MIS18A: variants seen among roughly 807,000 people sequenced by gnomAD.
MIS18A encodes MIS18 kinetochore protein A.
MIS18A carries 14 observed loss-of-function variants against 25.0 expected under a neutral mutation model. That is an observed-to-expected ratio of 0.56 (90% CI 0.37 to 0.88). The LOEUF is 0.88. MIS18A is among the 40% of genes least tolerant of loss of function. The pLI is 0.00. For missense variants in MIS18A, 292 were observed against 290.8 expected (o/e 1.00, Z -0.03); for synonymous variants, 134 against 118.6 (o/e 1.13, Z -0.84).
the MIS18A span, among the ~76,000 whole-genome samples, chr21:32,240,776 T>TA: frequency 3.4e-3 from 1 of 296 alleles, no homozygotes; most frequent in Admixed American, 0.056. Context: ...GATGTGGTTT[T>TA]GGTTTTTTTA....
downstream of MIS18A, among the ~76,000 whole-genome samples, chr21:32,264,842 C>T (rs2031563533): frequency 6.6e-6 from 1 of 152,170 alleles, no homozygotes; most frequent in African/African-American, 2.4e-5. Flanking sequence ...ATTCAGGCAT[C>T]GATGCTACAC....
chr21:32,264,798 G>T (rs2031562754), downstream of MIS18A, among the ~76,000 whole-genome samples: 1 of 152,156 alleles, frequency 6.6e-6, no homozygotes, highest in Non-Finnish European at 1.5e-5. Flanking sequence ...AATGTCCCAT[G>T]CTTGACTAGA....
the MIS18A span, among the ~76,000 whole-genome samples, chr21:32,223,363 A>G: frequency 6.6e-6 from 1 of 152,216 alleles, no homozygotes; most frequent in Non-Finnish European, 1.5e-5. Context: ...AAAGATTAAC[A>G]AAATAGATGG....
At chr21:32,247,778 G>A in the MIS18A span, among the ~76,000 whole-genome samples, 2 of 152,144 alleles carry the variant, frequency 1.3e-5, no homozygotes, top group Non-Finnish European at 2.9e-5. Flanking sequence ...AACTCTGCCC[G>A]CACCTCGATC....
intron 1 of MIS18A, among the ~76,000 whole-genome samples, chr21:32,277,645 G>A (rs112655031): frequency 2.6e-5 from 4 of 152,110 alleles, no homozygotes; most frequent in African/African-American, 7.2e-5. Flanking sequence ...AGGCTGATCT[G>A]GAATTTTTGT....
At chr21:32,217,964 C>T in the MIS18A span, among the ~76,000 whole-genome samples, 1,034 of 152,008 alleles carry the variant, frequency 6.8e-3, 8 homozygotes, top group Middle Eastern at 0.034. Context: ...GAGGCTGAGG[C>T]GGGCGGATCA....
downstream of MIS18A, among the ~76,000 whole-genome samples, chr21:32,263,337 T>C (rs1341868487): frequency 1.3e-5 from 2 of 152,240 alleles, no homozygotes; most frequent in African/African-American, 4.8e-5. Flanking sequence ...GGCTCACGCC[T>C]GTAATCCCAG....
the MIS18A span, among the ~76,000 whole-genome samples, chr21:32,238,199 C>T: frequency 5.9e-5 from 9 of 152,226 alleles, no homozygotes; most frequent in East Asian, 7.7e-4. Flanking sequence ...CATGCCTAGC[C>T]GCAAGCAAGA....
chr21:32,162,281 A>G, the MIS18A span, among the ~76,000 whole-genome samples: 4 of 151,904 alleles, frequency 2.6e-5, no homozygotes, highest in Admixed American at 2.0e-4. Context: ...TGCCCTACGC[A>G]CCCTCACTTC....
chr21:32,213,533 G>A, the MIS18A span, among the ~76,000 whole-genome samples: 13 of 152,228 alleles, frequency 8.5e-5, no homozygotes. Flanking sequence ...GTTCCTTCTA[G>A]GGAGGAGAAA....
downstream of MIS18A, among the ~76,000 whole-genome samples, chr21:32,265,449 C>CG (rs2031576867): frequency 2.0e-5 from 3 of 152,202 alleles, no homozygotes; most frequent in Admixed American, 1.3e-4. Context: ...CTGCTGGCCC[C>CG]GGGCAATGGG....
chr21:32,212,181 T>G, the MIS18A span, among the ~76,000 whole-genome samples: 3 of 152,294 alleles, frequency 2.0e-5, no homozygotes, highest in South Asian at 6.2e-4. Context: ...ATGCTTTTTA[T>G]TTGAATAACT....
the MIS18A span, among the ~76,000 whole-genome samples, chr21:32,207,760 C>A: frequency 6.6e-6 from 1 of 152,062 alleles, no homozygotes; most frequent in South Asian, 2.1e-4. Flanking sequence ...ACCAAGTTCA[C>A]CAAACATCTA....
At chr21:32,155,817 G>A in the MIS18A span, among the ~76,000 whole-genome samples, 8,274 of 152,062 alleles carry the variant, frequency 0.054, 570 homozygotes, top group African/African-American at 0.15. Context: ...CTTGCCTGAT[G>A]ATTTGCATAA....
At chr21:32,192,951 T>G in the MIS18A span, among the ~76,000 whole-genome samples, 2 of 152,190 alleles carry the variant, frequency 1.3e-5, no homozygotes, top group African/African-American at 4.8e-5. Flanking sequence ...CTTGTTTGCC[T>G]GATTAAATCA....
chr21:32,199,529 C>T, the MIS18A span, among the ~76,000 whole-genome samples: 1 of 152,116 alleles, frequency 6.6e-6, no homozygotes, highest in East Asian at 1.9e-4. Flanking sequence ...GTCTTGGGGC[C>T]GGGCGTGGTG....
At chr21:32,206,142 T>C in the MIS18A span, among the ~76,000 whole-genome samples, 5 of 152,168 alleles carry the variant, frequency 3.3e-5, no homozygotes, top group Non-Finnish European at 5.9e-5. Flanking sequence ...GTCTCACTTT[T>C]AGATTTTTTT....
intron 3 of MIS18A, 117 bp downstream of exon 3, chr21:32,270,290 A>T (rs1601076609): frequency 1.7e-6 from 2 of 1,208,874 alleles, no homozygotes; most frequent in Admixed American, 2.8e-5. Context: ...CTGGCTTGTT[A>T]GAAATCATTA....
the MIS18A span, among the ~76,000 whole-genome samples, chr21:32,210,239 T>A: frequency 2.6e-5 from 4 of 152,184 alleles, no homozygotes; most frequent in African/African-American, 9.7e-5. Flanking sequence ...ATAATCTCCA[T>A]CTCACAGAAT....
Sources: allele counts gnomAD v4.1 joint callset (sites outside exome capture counted in the v4.1 genomes callset), GRCh38; gene constraint gnomAD v4.1.1; transcripts MANE v1.5; gene names NCBI Gene and HGNC (gene_info 2026-07-23, HGNC 2026-07-21).